RCBTB1: variants seen among roughly 807,000 people sequenced by gnomAD.
The protein encoded by RCBTB1 is RCC1 and BTB domain containing protein 1, also known as RCC1 and BTB domain-containing protein 1.
RCBTB1 carries 46 observed loss-of-function variants against 62.4 expected under a neutral mutation model. That is an observed-to-expected ratio of 0.74 (90% CI 0.58 to 0.94). The LOEUF (loss-of-function observed/expected upper bound fraction) is 0.94. RCBTB1 is among the 40% of genes least tolerant of loss of function. The pLI is 0.00. For missense variants in RCBTB1, 565 were observed against 654.9 expected (o/e 0.86, Z 1.50); for synonymous variants, 222 against 245.8 (o/e 0.90, Z 0.91).
intron 6 of RCBTB1, among the ~76,000 whole-genome samples, chr13:49,555,100 T>G (rs1322511491): frequency 6.6e-6 from 1 of 152,188 alleles, no homozygotes; most frequent in African/African-American, 2.4e-5. Flanking sequence ...GCAAGTTGCT[T>G]CCTCCTGTGA....
rs1031311969 is a variant in RCBTB1, at chr13:49,534,373, T to C, written c.1456-111A>G. Reference sequence around the variant, plus strand: ...ATCTCTCACCCTCCCCCAGAAAAGATATTTGAGAGGCCAGATACCTAAAAC... The same window carrying C: ...ATCTCTCACCCTCCCCCAGAAAAGACATTTGAGAGGCCAGATACCTAAAAC... On this transcript the variant is annotated intron_variant, in intron 12 of 12. Coordinates refer to ENST00000378302, the MANE Select transcript of RCBTB1 (RefSeq NM_018191.4). 10 of 1,138,126 alleles carry C rather than the reference T, an allele frequency of 8.8e-6. No individual in the cohort carries two copies. The East Asian group carries it at 2.2e-4, about 25-fold the overall frequency. 70.5% of individuals were successfully genotyped at this position (1,138,126 alleles called of 1,614,324 possible). A position where few individuals can be genotyped will look rare whatever the true frequency, so the allele number is the denominator to read the frequency against.
chr13:49,565,248 C>A (rs1301050132), intron 4 of RCBTB1, among the ~76,000 whole-genome samples: 1 of 152,326 alleles, frequency 6.6e-6, no homozygotes, highest in East Asian at 1.9e-4. Flanking sequence ...AGCTCCTAAC[C>A]GCGAGTGATC....
chr13:49,556,888 GC>G (rs1961947287), intron 5 of RCBTB1, among the ~76,000 whole-genome samples: 1 of 152,190 alleles, frequency 6.6e-6, no homozygotes, highest in South Asian at 2.1e-4. Context: ...GCATAAATTA[GC>G]AAGTTTGAGC....
chr13:49,534,088 A>G lies in RCBTB1; in HGVS notation c.*34T>C. The G allele has an allele frequency of 6.2e-7, 1 of 1,602,904 alleles. No individual in the cohort carries two copies. The highest frequency in any genetic ancestry group is 1.1e-5 in the South Asian group (1 of 90,060). ...CTGGACACATCCTCAACAGTGCCCC[A>G]GAGCACTCACACAGAACCCAGCAGC... On this transcript the variant is annotated 3_prime_UTR_variant, in exon 13 of 13. Coordinates refer to ENST00000378302, the MANE Select transcript of RCBTB1 (RefSeq NM_018191.4).
chr13:49,540,273 C>T (rs1432932924), intron 12 of RCBTB1, among the ~76,000 whole-genome samples: 1 of 152,148 alleles, frequency 6.6e-6, no homozygotes, highest in Non-Finnish European at 1.5e-5. Flanking sequence ...CAGTCTGATG[C>T]TTTGGTTCTT....
chr13:49,537,878 C>T (rs1175132495), intron 12 of RCBTB1: 1 of 152,206 alleles, frequency 6.6e-6, no homozygotes, highest in Non-Finnish European at 1.5e-5. Context: ...ACTTTTGAAA[C>T]TCCCTGTAAC....
At chr13:49,554,906 T>C (rs1327716109) in intron 6 of RCBTB1, among the ~76,000 whole-genome samples, 2 of 152,224 alleles carry the variant, frequency 1.3e-5, no homozygotes, top group Admixed American at 6.5e-5. Flanking sequence ...AATATCTTTG[T>C]ATAATTTTCA....
intron 12 of RCBTB1, among the ~76,000 whole-genome samples, chr13:49,534,808 C>A (rs961268536): frequency 6.6e-6 from 1 of 152,034 alleles, no homozygotes; most frequent in Non-Finnish European, 1.5e-5. Context: ...CCGAGGCGGG[C>A]GGATCACTTG....
At chr13:49,544,926 CTT>C (rs1477558360) in intron 9 of RCBTB1, 63 bp from the exon 10 acceptor site, 3 of 1,347,164 alleles carry the variant, frequency 2.2e-6, no homozygotes, top group East Asian at 2.6e-5. Flanking sequence ...ATTCAAAAGA[CTT>C]CAAAAAGATC....
intron 2 of RCBTB1, among the ~76,000 whole-genome samples, chr13:49,575,867 C>T (rs573243233): frequency 5.6e-4 from 85 of 152,216 alleles, no homozygotes; most frequent in African/African-American, 2.0e-3. Context: ...AACAAACCTG[C>T]ATATGTACTC....
chr13:49,559,498 T>C (rs868356285), intron 5 of RCBTB1, among the ~76,000 whole-genome samples: 3 of 151,708 alleles, frequency 2.0e-5, no homozygotes, highest in Middle Eastern at 3.2e-3. Flanking sequence ...CTACTAAAAA[T>C]ACAAAAAATT....
intron 9 of RCBTB1, chr13:49,546,432 C>T (rs1004138162): frequency 2.5e-6 from 2 of 794,032 alleles, no homozygotes; most frequent in African/African-American, 3.7e-5. Flanking sequence ...TTGTGGAAGA[C>T]AATTTTTCCA....
chr13:49,560,127 T>C (rs377642222), intron 4 of RCBTB1, 43 bp from the exon 5 acceptor site: 249 of 1,599,398 alleles, frequency 1.6e-4, no homozygotes, highest in Non-Finnish European at 2.0e-4. Flanking sequence ...CAAAAAGAAA[T>C]AGTAACCCTG....
At chr13:49,565,700 GGCA>G (rs1962925408) in intron 4 of RCBTB1, among the ~76,000 whole-genome samples, 1 of 116,922 alleles carries the variant, frequency 8.6e-6, no homozygotes, top group African/African-American at 3.6e-5. Context: ...CCCTCCACCC[GGCA>G]GCCACCCCGT....
At chr13:49,541,623 A>G in intron 11 of RCBTB1, 53 bp downstream of exon 11, 1 of 1,492,568 alleles carries the variant, frequency 6.7e-7, no homozygotes, top group Non-Finnish European at 9.0e-7. Flanking sequence ...TAAGAATATG[A>G]GGGGATATAT....
intron 12 of RCBTB1, among the ~76,000 whole-genome samples, chr13:49,535,826 C>A (rs912834760): frequency 2.6e-5 from 4 of 152,020 alleles, no homozygotes; most frequent in Non-Finnish European, 5.9e-5. Context: ...AGTTTGAGAC[C>A]AGCTTGACCA....
chr13:49,559,864 G>A (rs960709182), intron 5 of RCBTB1, 54 bp downstream of exon 5: 44 of 1,522,920 alleles, frequency 2.9e-5, no homozygotes, highest in Non-Finnish European at 3.7e-5. Context: ...TATGTTAAGT[G>A]TATTTACTAT....
chr13:49,543,198 A>G (rs971846655), intron 10 of RCBTB1, among the ~76,000 whole-genome samples: 4 of 152,132 alleles, frequency 2.6e-5, no homozygotes, highest in African/African-American at 9.7e-5. Context: ...CAGGAGGTGG[A>G]GGTTGCAGTG....
chr13:49,547,257 AGG>A (rs1406757132), intron 9 of RCBTB1: 17,207 of 1,100,762 alleles, frequency 0.016, 199 homozygotes, highest in Non-Finnish European at 0.018. Context: ...TTTCACTTTA[AGG>A]CAAGCTTAAC....
Sources: allele counts gnomAD v4.1 joint callset (sites outside exome capture counted in the v4.1 genomes callset), GRCh38; gene constraint gnomAD v4.1.1; transcripts MANE v1.5; gene names NCBI Gene and HGNC (gene_info 2026-07-23, HGNC 2026-07-21).